The following UNK variants were observed in gnomAD, a reference collection of about 807,000 sequenced individuals.
UNK encodes the protein unk zinc finger.
Under a neutral mutation model 97.6 loss-of-function variants are expected in UNK, and 32 were observed. That is an observed-to-expected ratio of 0.33 (90% CI 0.25 to 0.44). The LOEUF is 0.44. Ranked by LOEUF, UNK falls within the 20% of genes least tolerant of loss-of-function variation. The pLI is 1.00. For synonymous variants in UNK, 441 were observed against 461.2 expected, an observed-to-expected ratio of 0.96 and a Z score of 0.56; for missense variants, 771 against 1,098.4, an observed-to-expected ratio of 0.70 and a Z score of 4.21.
rs2062032040 is a variant in UNK, at chr17:75,817,970, G to T, written c.1306-133G>T. On this transcript the variant is annotated intron_variant, in intron 9 of 15. Coordinates refer to ENST00000589666, the MANE Select transcript of UNK (RefSeq NM_001080419.3). This position sits in a 1 kb window ranked among gnomAD's most constrained non-coding sequence, Gnocchi z 5.8. ...GTAGGGGGTGGGGAGGAAGAAGGGG[G>T]TGTGTGCATGCATGTGAAGAGGGGT... 4 of 802,342 alleles carry T rather than the reference G, an allele frequency of 5.0e-6. No individual in the cohort carries two copies. Among genetic ancestry groups the T allele is most frequent in the African/African-American group, 1.7e-5 (1 of 59,010 alleles). The allele number at this position is 802,342 out of a possible 1,614,324, so 49.7% of individuals were successfully genotyped here.
chr17:75,793,418 C>A (rs1239665048), intron 1 of UNK: 1 of 985,254 alleles, frequency 1.0e-6, no homozygotes. Flanking sequence ...AATCCCTCAA[C>A]TTTCACCCCT....
At chr17:75,800,829 A>T (rs763938752) in intron 1 of UNK, among the ~76,000 whole-genome samples, 3 of 151,940 alleles carry the variant, frequency 2.0e-5, no homozygotes, top group Non-Finnish European at 4.4e-5. Flanking sequence ...TCAACTACAG[A>T]CTCAAGTAGT....
Position 75,823,322 on chromosome 17 carries a change from G to A in UNK, c.2077G>A (p.Gly693Ser), listed in dbSNP as rs769370580. Residue 693 changes from glycine (G) to serine (S), a missense_variant, in exon 15 of 16, where the codon GGC becomes AGC. By Grantham distance (56) the Gly-to-Ser change is moderately conservative. Coordinates refer to ENST00000589666, the MANE Select transcript of UNK (RefSeq NM_001080419.3). ...EEAGERASAA[G>S]AECELAREQR... is the part of the protein sequence containing the mutation. ...GGCTGGTGAGCGGGCCAGTGCGGCGGGCGCCGAGTGCGAGCTGGCCCGGGA... is the reference window on the plus strand; with the variant it reads ...GGCTGGTGAGCGGGCCAGTGCGGCGAGCGCCGAGTGCGAGCTGGCCCGGGA... 7.4e-6 allele frequency: 12 copies of A among 1,610,904 alleles called. No homozygotes were observed. The highest frequency in any genetic ancestry group is 7.6e-6 in the Non-Finnish European group (9 of 1,178,810).
At chr17:75,820,980 T>TA (rs2062062611) in intron 13 of UNK, among the ~76,000 whole-genome samples, 1 of 152,182 alleles carries the variant, frequency 6.6e-6, no homozygotes, top group South Asian at 2.1e-4. Flanking sequence ...TGTTCTCTGT[T>TA]ACGTTGATTC....
rs1175005582 is a variant in UNK, at chr17:75,824,279, G to A, written c.2295G>A (p.Gln765=). The change falls in exon 16 of 16, where the codon CAG becomes CAA. Residue 765 remains glutamine (Q), a synonymous_variant. Coordinates refer to ENST00000589666, the MANE Select transcript of UNK (RefSeq NM_001080419.3). This position sits in a 1 kb window ranked among gnomAD's most constrained non-coding sequence, Gnocchi z 4.9. ...CCCTGCAGGCCGTGTTCCACATGCA[G>A]TCGGTGAAATGCCTTAAGTGTCAGG... ...EQVDKAVFHM[Q]SVKCLKCQEQ... is the part of the protein sequence containing the mutation. 3 of 1,601,360 alleles carry A rather than the reference G, an allele frequency of 1.9e-6. No homozygotes were observed. The highest frequency in any genetic ancestry group is 1.7e-6 in the Non-Finnish European group (2 of 1,174,286).
At chr17:75,804,226 G>C (rs548608804) in intron 1 of UNK, among the ~76,000 whole-genome samples, 1 of 152,190 alleles carries the variant, frequency 6.6e-6, no homozygotes, top group Non-Finnish European at 1.5e-5. Context: ...GGCAAAGGTG[G>C]GTAGATCACT....
intron 1 of UNK, 102 bp downstream of exon 1, chr17:75,785,086 C>T (rs1261535512): frequency 6.7e-6 from 5 of 750,196 alleles, no homozygotes; most frequent in Non-Finnish European, 1.0e-5. Context: ...TCTTCCTCCC[C>T]CCCTTCCTCC....
chr17:75,800,850 G>A (rs191271393), intron 1 of UNK, among the ~76,000 whole-genome samples: 1 of 152,110 alleles, frequency 6.6e-6, no homozygotes, highest in Admixed American at 6.6e-5. Context: ...TGCAACAGGA[G>A]ACTGACTATA....
intron 1 of UNK, among the ~76,000 whole-genome samples, chr17:75,796,630 C>G (rs1215697778): frequency 6.6e-6 from 1 of 152,138 alleles, no homozygotes; most frequent in East Asian, 1.9e-4. Context: ...AAACTAAAAG[C>G]CATTTTTAGT....
At chr17:75,809,648 A>G in intron 1 of UNK, 112 bp from the exon 2 acceptor site, 1 of 1,170,390 alleles carries the variant, frequency 8.5e-7, no homozygotes, top group Non-Finnish European at 1.2e-6. Context: ...TTCCAGTGGA[A>G]CTAGCACCCC....
In UNK at chr17:75,818,560, C is replaced by T. The variant is rs2062037378; in HGVS notation, c.1372-82C>T. 3 of 1,457,556 alleles carry T rather than the reference C, an allele frequency of 2.1e-6. No homozygotes were observed. The Admixed American group carries it at 6.6e-5, about 32-fold the overall frequency. The allele number at this position is 1,457,556 out of a possible 1,614,324, so 90.3% of individuals were successfully genotyped here. A position where few individuals can be genotyped will look rare whatever the true frequency, so the allele number is the denominator to read the frequency against. On this transcript the variant is annotated intron_variant, in intron 10 of 15. Coordinates refer to ENST00000589666, the MANE Select transcript of UNK (RefSeq NM_001080419.3). This position sits in a 1 kb window ranked among gnomAD's most constrained non-coding sequence, Gnocchi z 5.1. Reference sequence around the variant, plus strand: ...GAGCTAGCACGGGCCATTTCCCTTGCCCCCAGCCCCTCTCCAGCCTCTCGT... The same window carrying T: ...GAGCTAGCACGGGCCATTTCCCTTGTCCCCAGCCCCTCTCCAGCCTCTCGT...
Position 75,813,791 on chromosome 17 carries a change from G to A in UNK, c.789G>A (p.Gly263=), listed in dbSNP as rs1219901408. Residue 263 remains glycine, a synonymous_variant, in exon 6 of 16, where the codon GGG becomes GGA. Transcript: ENST00000589666. ...CTCCATGTCCAAACGTCAAGCACGG[G>A]GATGAGTGGGGAGACCCTGGCAAGT... ...RSSPCPNVKH[G]DEWGDPGKCE... 7 of 1,600,394 alleles carry A rather than the reference G, an allele frequency of 4.4e-6. No homozygotes were observed. The highest frequency in any genetic ancestry group is 6.0e-6 in the Non-Finnish European group (7 of 1,173,870).
intron 15 of UNK, among the ~76,000 whole-genome samples, 164 bp downstream of exon 15, chr17:75,823,686 AG>A (rs2062091102): frequency 6.6e-6 from 1 of 152,140 alleles, no homozygotes; most frequent in South Asian, 2.1e-4. Flanking sequence ...ATGGGTGAGG[AG>A]AGTGCACTGG....
Position 75,823,343 on chromosome 17 carries a change from C to T in UNK, c.2098C>T (p.Arg700Trp), listed in dbSNP as rs765398377. Residue 700 changes from arginine (R) to tryptophan (W), a missense_variant, in exon 15 of 16, where the codon CGG becomes TGG. By Grantham distance (101) the Arg-to-Trp change is moderately radical (BLOSUM62 -3). This residue lies in a region of UNK where 208 missense variants were observed against 257.4 expected (regional missense o/e 0.81). Transcript: ENST00000589666. ...GGCGGGCGCCGAGTGCGAGCTGGCC[C>T]GGGAGCAGCGGGATGCACTGGAGGT... The part of the protein sequence containing the change: ...SAAGAECELA[R>W]EQRDALEVQV... The T allele has an allele frequency of 6.2e-6, 10 of 1,611,470 alleles. No individual in the cohort carries two copies. The highest frequency in any genetic ancestry group is 5.0e-5 in the Admixed American group (3 of 59,950).
In UNK at chr17:75,819,595, G is replaced by A; in HGVS notation, c.1547-89G>A. 1.6e-6 allele frequency: 2 copies of A among 1,221,542 alleles called. No homozygotes were observed. Among genetic ancestry groups the A allele is most frequent in the Non-Finnish European group, 2.4e-6 (2 of 830,578 alleles). The allele number at this position is 1,221,542 out of a possible 1,614,324, so 75.7% of individuals were successfully genotyped here. ...GAGAATACGGACCCAGCGTAGCATGGGCGTGAAGATGCAGCGTGGGCAGTA... is the reference window on the plus strand; with the variant it reads ...GAGAATACGGACCCAGCGTAGCATGAGCGTGAAGATGCAGCGTGGGCAGTA... On this transcript the variant is annotated intron_variant, in intron 11 of 15. Transcript: ENST00000589666. This position sits in a 1 kb window ranked among gnomAD's most constrained non-coding sequence, Gnocchi z 5.4.
chr17:75,810,017 G>A, intron 2 of UNK, 48 bp downstream of exon 2: 1 of 1,604,938 alleles, frequency 6.2e-7, no homozygotes, highest in South Asian at 1.1e-5. Flanking sequence ...CTCCTTCTGG[G>A]TCAGATGCCC....
At chr17:75,820,819 C>T (rs2062060923) in intron 13 of UNK, among the ~76,000 whole-genome samples, 1 of 152,192 alleles carries the variant, frequency 6.6e-6, no homozygotes, top group South Asian at 2.1e-4. Context: ...CTGCAGACAC[C>T]AGGAGCTCCC....
At chr17:75,805,134 T>C (rs1296346601) in intron 1 of UNK, among the ~76,000 whole-genome samples, 1 of 150,926 alleles carries the variant, frequency 6.6e-6, no homozygotes, top group Non-Finnish European at 1.5e-5. Flanking sequence ...TGAGCTGAGA[T>C]TGCGCCACTG....
chr17:75,806,376 T>C (rs1218204117), intron 1 of UNK, among the ~76,000 whole-genome samples: 3 of 152,036 alleles, frequency 2.0e-5, no homozygotes, highest in South Asian at 2.1e-4. Context: ...GGAGAATTGC[T>C]TGAACCTGGG....
Sources: allele counts gnomAD v4.1 joint callset (sites outside exome capture counted in the v4.1 genomes callset), GRCh38; gene constraint gnomAD v4.1.1; regional missense constraint gnomAD v4.1.1; non-coding constraint Gnocchi (gnomAD v3.1); transcripts MANE v1.5; gene names NCBI Gene and HGNC (gene_info 2026-07-23, HGNC 2026-07-21).